Variants in NTPCR observed in about 807,000 individuals in gnomAD.
The protein encoded by NTPCR is cancer-related nucleoside-triphosphatase.
Under a neutral mutation model 19.5 loss-of-function variants are expected in NTPCR, and 15 were observed. The ratio of observed to expected loss-of-function variants is 0.77; its 90% CI spans 0.51 to 1.18. The LOEUF (loss-of-function observed/expected upper bound fraction) is 1.18. Among genes scored for constraint, NTPCR ranks in the 50% most tolerant of loss-of-function variants. The probability of loss-of-function intolerance (pLI) is 0.00; values close to 1 mark genes in which losing one functional copy is unlikely to be tolerated. For synonymous variants in NTPCR, 90 were observed against 95.8 expected, an observed-to-expected ratio of 0.94 and a Z score of 0.36; for missense variants, 206 against 240.4, an observed-to-expected ratio of 0.86 and a Z score of 0.95.
At position 232,960,213 on chromosome 1, in the gene NTPCR, C is replaced by CAAA. The variant is rs755184503; in HGVS notation, c.294+3793_294+3795dup. 4.9e-3 allele frequency among the ~76,000 whole-genome samples: 134 copies of CAAA among 27,394 alleles called. 2 individuals are homozygous for CAAA. Among genetic ancestry groups the CAAA allele is most frequent in the East Asian group, 0.011 (8 of 696 alleles). 18.0% of individuals were successfully genotyped at this position (27,394 alleles called of 152,430 possible). A position where few individuals can be genotyped will look rare whatever the true frequency, so the allele number is the denominator to read the frequency against. ...TGGGTGACAGAGCAAGACTCCATCT[C>CAAA]AAAAAAAAAAAAAAAAAAAAAAAAA... On this transcript the variant is annotated intron_variant, in intron 3 of 4. Coordinates refer to ENST00000366628, the MANE Select transcript of NTPCR (RefSeq NM_032324.3).
Position 232,980,002 on chromosome 1 carries a change from T to C in NTPCR, c.*1771T>C, listed in dbSNP as rs1248484257. ...GGGAGGCCGTTTTGCGTTTCCGCCC[T>C]TCATGCATCTGAAACACCAAGGGCC... On this transcript the variant is annotated 3_prime_UTR_variant, in exon 5 of 5. Transcript: ENST00000366628. The C allele has an allele frequency of 6.6e-6, 1 of 152,290 alleles. No individual in the cohort carries two copies. The highest frequency in any genetic ancestry group is 1.9e-4 in the East Asian group (1 of 5,196). The allele number at this position is 152,290 out of a possible 1,614,324, so 9.4% of individuals were successfully genotyped here. A position where few individuals can be genotyped will look rare whatever the true frequency, so the allele number is the denominator to read the frequency against.
intron 1 of NTPCR, among the ~76,000 whole-genome samples, chr1:232,954,288 T>G (rs1182231664): frequency 6.6e-6 from 1 of 152,236 alleles, no homozygotes; most frequent in East Asian, 1.9e-4. Context: ...CTGTTCATGT[T>G]CCAGAAAGCC....
At position 232,970,003 on chromosome 1, in the gene NTPCR, G is replaced by C. The variant is rs148845457; in HGVS notation, c.389G>C (p.Arg130Pro). 3.5e-5 allele frequency: 57 copies of C among 1,614,148 alleles called. No homozygotes were observed. Among genetic ancestry groups the C allele is most frequent in the Non-Finnish European group, 4.7e-5 (55 of 1,179,984 alleles). Residue 130 changes from arginine (R) to proline (P), a missense_variant, in exon 4 of 5, where the codon CGT (arginine) becomes CCT (proline). Physicochemically the swap from Arg to Pro is moderately radical, Grantham distance 103. Transcript: ENST00000366628. The part of the protein sequence containing the change: ...LFSQLFIQAV[R>P]QTLSTPGTII... ...AGTCAGCTTTTCATTCAAGCTGTTC[G>C]TCAGACGCTGTCTACCCCAGGGACT...
intron 3 of NTPCR, chr1:232,964,096 A>G (rs1668745790): frequency 6.6e-6 from 1 of 152,162 alleles, no homozygotes; most frequent in Non-Finnish European, 1.5e-5. Flanking sequence ...TCTTTGTAAC[A>G]TTTCTTTTCC....
At position 232,955,709 on chromosome 1, in the gene NTPCR, T is replaced by A; in HGVS notation, c.187T>A (p.Ser63Thr). Reference sequence around the variant, plus strand: ...GTTGTCCGGCACCCGGGGGCCTTTATCGAGAGTTGGGTACTGATATTTCAT... The same window carrying A: ...GTTGTCCGGCACCCGGGGGCCTTTAACGAGAGTTGGGTACTGATATTTCAT... The part of the protein sequence containing the change: ...VTLSGTRGPL[S>T]RVGLEPPPGK... Residue 63 changes from serine to threonine, a missense_variant, in exon 2 of 5, where the codon TCG (serine) becomes ACG (threonine). By Grantham distance (58) the Ser-to-Thr change is moderately conservative (BLOSUM62 1). Coordinates refer to ENST00000366628, the MANE Select transcript of NTPCR (RefSeq NM_032324.3). The A allele has an allele frequency of 1.2e-6, 2 of 1,613,882 alleles. No homozygotes were observed. Among genetic ancestry groups the A allele is most frequent in the Middle Eastern group, 1.7e-4 (1 of 6,002 alleles).
rs1400406649 is a variant in NTPCR at position 232,983,335 on chromosome 1, AAAGTTGTCTCAG to A, written c.*5107_*5118del. 3.9e-5 allele frequency: 6 copies of A among 152,270 alleles called. No individual in the cohort carries two copies. Among genetic ancestry groups the A allele is most frequent in the Non-Finnish European group, 1.5e-5 (1 of 68,044 alleles). 9.4% of individuals were successfully genotyped at this position (152,270 alleles called of 1,614,324 possible). A position where few individuals can be genotyped will look rare whatever the true frequency, so the allele number is the denominator to read the frequency against. On this transcript the variant is annotated 3_prime_UTR_variant, in exon 5 of 5. Coordinates refer to ENST00000366628, the MANE Select transcript of NTPCR (RefSeq NM_032324.3). ...GGTTCCTGGGGTCTTGAAGATGGGA[AAAGTTGTCTCAG>A]AATTTACCCAAATGTCGTTCTCACC...
At chr1:232,974,114 A>C (rs1669060626) in intron 4 of NTPCR, among the ~76,000 whole-genome samples, 1 of 152,264 alleles carries the variant, frequency 6.6e-6, no homozygotes, top group African/African-American at 2.4e-5. Flanking sequence ...CCATAGTCAA[A>C]CTTATGAAAA....
chr1:232,977,776 C>A (rs1224117566), intron 4 of NTPCR, among the ~76,000 whole-genome samples: 2 of 152,116 alleles, frequency 1.3e-5, no homozygotes, highest in Non-Finnish European at 2.9e-5. Context: ...CCCGCTGGCT[C>A]CCAGGCTCTC....
chr1:232,972,841 C>T (rs1048035438), intron 4 of NTPCR, among the ~76,000 whole-genome samples: 3 of 152,220 alleles, frequency 2.0e-5, no homozygotes, highest in Non-Finnish European at 4.4e-5. Flanking sequence ...GAGTGCCCTT[C>T]ACATTCAGTA....
intron 3 of NTPCR, among the ~76,000 whole-genome samples, chr1:232,959,814 A>G (rs1220167428): frequency 6.6e-6 from 1 of 152,108 alleles, no homozygotes; most frequent in African/African-American, 2.4e-5. Context: ...TGAGGGTTGT[A>G]TGTATGTGTG....
chr1:232,955,486 T>C lies in NTPCR; in HGVS notation c.35-71T>C, dbSNP rs1460636650. 4 of 1,288,190 alleles carry C rather than the reference T, an allele frequency of 3.1e-6. No homozygotes were observed. The African/African-American group carries it at 6.1e-5, about 20-fold the overall frequency. The allele number at this position is 1,288,190 out of a possible 1,614,324, so 79.8% of individuals were successfully genotyped here. A position where few individuals can be genotyped will look rare whatever the true frequency, so the allele number is the denominator to read the frequency against. On this transcript the variant is annotated intron_variant, in intron 1 of 4. Coordinates refer to ENST00000366628, the MANE Select transcript of NTPCR (RefSeq NM_032324.3). ...TTGCTGCCTCAGAGTCCACAAGTGC[T>C]GTGTGTGCTCTAGTAAGGGAATGTT...
Position 232,958,387 on chromosome 1 carries a change from A to G in NTPCR, c.294+1944A>G, listed in dbSNP as rs535155848. On this transcript the variant is annotated intron_variant, in intron 3 of 4. Transcript: ENST00000366628. Reference sequence around the variant, plus strand: ...TTGGCACTTGCCATTTTTTTTGGTGAGCACGCTGTCTTCATAGATCTTTGC... The same window carrying G: ...TTGGCACTTGCCATTTTTTTTGGTGGGCACGCTGTCTTCATAGATCTTTGC... Among the ~76,000 whole-genome samples the G allele has an allele frequency of 3.3e-5, 5 of 152,264 alleles. No individual in the cohort carries two copies. In the South Asian group the frequency reaches 8.3e-4, roughly 25 times the overall value.
chr1:232,960,292 A>G (rs1668635456), intron 3 of NTPCR, among the ~76,000 whole-genome samples: 2 of 150,194 alleles, frequency 1.3e-5, no homozygotes, highest in Admixed American at 6.6e-5. Context: ...GCCAGGCACA[A>G]CCCAGGTTCA....
chr1:232,952,083 C>G (rs963813905), intron 1 of NTPCR, among the ~76,000 whole-genome samples: 1 of 152,190 alleles, frequency 6.6e-6, no homozygotes, highest in African/African-American at 2.4e-5. Context: ...ACCCACGCAC[C>G]TTTGTCTTTT....
At chr1:232,970,167 T>TA (rs1341644458) in intron 4 of NTPCR, 49 bp downstream of exon 4, 1 of 1,445,776 alleles carries the variant, frequency 6.9e-7, no homozygotes, top group Admixed American at 1.7e-5. Context: ...GCAGATGATC[T>TA]AAAATAGCAG....
intron 3 of NTPCR, chr1:232,966,447 T>C (rs1475959652): frequency 6.6e-6 from 1 of 152,254 alleles, no homozygotes. Flanking sequence ...ACCACTTGGA[T>C]TAGCTTGCTC....
rs1669343196 is a variant in NTPCR, at chr1:232,983,638, T to A, written c.*5407T>A. ...CACCGAATGGACTCAGTTTCTAAAC[T>A]CACATCCTAACGTATCCTGGCTTTT... On this transcript the variant is annotated 3_prime_UTR_variant, in exon 5 of 5. Coordinates refer to ENST00000366628, the MANE Select transcript of NTPCR (RefSeq NM_032324.3). The A allele has an allele frequency of 6.6e-6, 1 of 152,168 alleles. No individual in the cohort carries two copies. The highest frequency in any genetic ancestry group is 1.5e-5 in the Non-Finnish European group (1 of 68,044). 9.4% of individuals were successfully genotyped at this position (152,168 alleles called of 1,614,324 possible).
At chr1:232,973,160 G>A (rs866281635) in intron 4 of NTPCR, among the ~76,000 whole-genome samples, 7 of 152,010 alleles carry the variant, frequency 4.6e-5, no homozygotes, top group Non-Finnish European at 8.8e-5. Context: ...TGTACCACAC[G>A]AATTAGTAAT....
At chr1:232,976,164 A>G in intron 4 of NTPCR, 2 of 573,966 alleles carry the variant, frequency 3.5e-6, no homozygotes, top group Non-Finnish European at 5.2e-6. Context: ...AATTGATATA[A>G]TGTACATATT....
Sources: allele counts gnomAD v4.1 joint callset (sites outside exome capture counted in the v4.1 genomes callset), GRCh38; gene constraint gnomAD v4.1.1; transcripts MANE v1.5; gene names NCBI Gene and HGNC (gene_info 2026-07-23, HGNC 2026-07-21).